The following PBX1 variants were observed in gnomAD, a reference collection of about 807,000 sequenced individuals.
PBX1 encodes PBX homeobox 1, also known as pre-B-cell leukemia transcription factor 1.
PBX1 carries 6 observed loss-of-function variants against 53.4 expected under a neutral mutation model. That is an observed-to-expected ratio of 0.11 (90% confidence interval 0.06 to 0.22). The LOEUF is 0.22. Ranked by LOEUF, PBX1 falls within the 10% of genes least tolerant of loss-of-function variation. The pLI is 1.00. For synonymous variants in PBX1, 204 were observed against 212.3 expected, an observed-to-expected ratio of 0.96 and a Z score of 0.34; for missense variants, 251 against 551.4, an observed-to-expected ratio of 0.46 and a Z score of 5.46.
At chr1:164,798,921 G>A (rs1489326) in intron 3 of PBX1, among the ~76,000 whole-genome samples, 1 of 152,004 alleles carries the variant, frequency 6.6e-6, no homozygotes, top group Non-Finnish European at 1.5e-5. Context: ...AGTTATCAAA[G>A]CTTTTAATTC....
chr1:164,846,473 T>C (rs1010343472), intron 8 of PBX1, 111 bp from the exon 9 acceptor site: 37 of 868,864 alleles, frequency 4.3e-5, no homozygotes, highest in Non-Finnish European at 5.9e-5. Flanking sequence ...AGTGTCTCCA[T>C]GTGCCAGGCA....
chr1:164,827,640 A>G (rs1380955380), intron 8 of PBX1, among the ~76,000 whole-genome samples: 1 of 152,214 alleles, frequency 6.6e-6, no homozygotes, highest in Non-Finnish European at 1.5e-5. Flanking sequence ...ACCTGAGACC[A>G]GAAAAGCATT....
intron 2 of PBX1, among the ~76,000 whole-genome samples, chr1:164,628,643 G>A (rs181405620): frequency 8.7e-4 from 133 of 152,306 alleles, no homozygotes; most frequent in African/African-American, 3.2e-3. Context: ...TTAGAAGATA[G>A]CATTTCCAAG....
At chr1:164,723,387 C>T (rs938511408) in intron 2 of PBX1, among the ~76,000 whole-genome samples, 1 of 152,026 alleles carries the variant, frequency 6.6e-6, no homozygotes, top group African/African-American at 2.4e-5. Flanking sequence ...CAGAAGCTGG[C>T]AGTCTCGCAA....
intron 2 of PBX1, among the ~76,000 whole-genome samples, chr1:164,706,628 A>G (rs1663440646): frequency 6.6e-6 from 1 of 152,186 alleles, no homozygotes; most frequent in Non-Finnish European, 1.5e-5. Context: ...CAATATGCAT[A>G]GCCCCTATTT....
chr1:164,790,881 C>T (rs1351050791), intron 2 of PBX1, among the ~76,000 whole-genome samples: 1 of 152,132 alleles, frequency 6.6e-6, no homozygotes, highest in African/African-American at 2.4e-5. Context: ...TGTTACAACC[C>T]GAAGCCCTGC....
At chr1:164,651,334 G>T (rs1659802538) in intron 2 of PBX1, among the ~76,000 whole-genome samples, 1 of 151,934 alleles carries the variant, frequency 6.6e-6, no homozygotes, top group Admixed American at 6.5e-5. Flanking sequence ...ACGGGGAAAG[G>T]TCTCTACCTG....
intron 2 of PBX1, among the ~76,000 whole-genome samples, chr1:164,782,735 T>C (rs953695865): frequency 1.3e-5 from 2 of 152,250 alleles, no homozygotes; most frequent in African/African-American, 4.8e-5. Flanking sequence ...CACTAGGAGC[T>C]GGAAGCTAAT....
At chr1:164,858,617 A>G (rs1672027806) in intron 2 of PBX1, among the ~76,000 whole-genome samples, 1 of 152,106 alleles carries the variant, frequency 6.6e-6, no homozygotes. Flanking sequence ...AGAGGAAGGG[A>G]GAATTTGGGG....
chr1:164,821,483 CT>C, intron 7 of PBX1, 53 bp from the exon 8 acceptor site: 2 of 1,399,082 alleles, frequency 1.4e-6, no homozygotes, highest in Non-Finnish European at 2.0e-6. Context: ...ATCTGCCTCC[CT>C]TTTCCTACAC....
intron 2 of PBX1, among the ~76,000 whole-genome samples, chr1:164,870,293 C>CT (rs1571547019): frequency 2.5e-5 from 1 of 40,650 alleles, no homozygotes; most frequent in Non-Finnish European, 4.8e-5. Flanking sequence ...TTCTTTCTTT[C>CT]TTTCTTTCTT....
chr1:164,849,799 TTCTC>T lies in PBX1; in HGVS notation c.*3127_*3130del, dbSNP rs1671744271. The T allele has an allele frequency of 8.5e-6, 2 of 235,774 alleles. No homozygotes were observed. The highest frequency in any genetic ancestry group is 6.0e-5 in the East Asian group (1 of 16,596). The allele number at this position is 235,774 out of a possible 1,614,324, so 14.6% of individuals were successfully genotyped here. A position where few individuals can be genotyped will look rare whatever the true frequency, so the allele number is the denominator to read the frequency against. The stretch of plus-strand genomic sequence containing the variant: ...GCTGGTTGTCTTTTCTCACACATCT[TTCTC>T]TCTGTCTCTCTCTTTCCTGCTCTTT... On this transcript the variant is annotated 3_prime_UTR_variant, in exon 9 of 9. Transcript: ENST00000420696.
chr1:164,792,199 GCTCCCCACTC>G (rs1180972750), intron 2 of PBX1, among the ~76,000 whole-genome samples: 4 of 152,008 alleles, frequency 2.6e-5, no homozygotes, highest in Non-Finnish European at 4.4e-5. Flanking sequence ...TTAAACAATA[GCTCCCCACTC>G]CTCCCCACAA....
chr1:164,723,673 G>A (rs1557967171), intron 2 of PBX1, among the ~76,000 whole-genome samples: 3 of 152,298 alleles, frequency 2.0e-5, no homozygotes, highest in Non-Finnish European at 4.4e-5. Context: ...CACTGCCTGT[G>A]ACTGAGGAAG....
intron 1 of PBX1, among the ~76,000 whole-genome samples, chr1:164,560,602 T>C (rs1286858597): frequency 1.3e-5 from 2 of 152,184 alleles, no homozygotes; most frequent in Admixed American, 1.3e-4. Flanking sequence ...TATTTCTTTG[T>C]CAGTACTTGT....
chr1:164,711,657 G>C (rs1001496139), intron 2 of PBX1, among the ~76,000 whole-genome samples: 1 of 152,242 alleles, frequency 6.6e-6, no homozygotes, highest in Non-Finnish European at 1.5e-5. Context: ...TCATGAAAGA[G>C]CATTGGGAGA....
At chr1:164,720,063 A>G (rs1332715785) in intron 2 of PBX1, among the ~76,000 whole-genome samples, 2 of 152,176 alleles carry the variant, frequency 1.3e-5, no homozygotes, top group Non-Finnish European at 2.9e-5. Context: ...ATGACAATTG[A>G]TTCTGATTTT....
chr1:164,696,681 C>T (rs1344186875), intron 2 of PBX1, among the ~76,000 whole-genome samples: 1 of 152,178 alleles, frequency 6.6e-6, no homozygotes, highest in East Asian at 1.9e-4. Flanking sequence ...GAGTTTTCTT[C>T]ATTTCAGATT....
intron 5 of PBX1, among the ~76,000 whole-genome samples, chr1:164,809,036 C>T (rs1669484427): frequency 6.6e-6 from 1 of 152,134 alleles, no homozygotes; most frequent in Non-Finnish European, 1.5e-5. Flanking sequence ...GGAATTAATG[C>T]TTTTTGATAC....
Sources: gnomAD v4.1 joint callset for allele counts (sites outside exome capture counted in the v4.1 genomes callset) on GRCh38, gnomAD v4.1.1 for gene constraint, MANE v1.5 for transcripts, NCBI Gene and HGNC (gene_info 2026-07-23, HGNC 2026-07-21) for gene names.